The following POLDIP2 variants were observed in gnomAD, a reference collection of about 807,000 sequenced individuals.
POLDIP2 encodes DNA polymerase delta interacting protein 2, also known as polymerase delta-interacting protein 2.
In POLDIP2, 32 loss-of-function variants were observed where a neutral mutation model predicts 52.9. The ratio of observed to expected loss-of-function variants is 0.61; its 90% CI spans 0.46 to 0.81. POLDIP2 has a LOEUF of 0.81. Ranked by LOEUF, POLDIP2 falls within the 40% of genes least tolerant of loss-of-function variation. The pLI, the probability that POLDIP2 is intolerant of heterozygous loss-of-function variation, is 0.00. For synonymous variants in POLDIP2, 183 were observed against 183.0 expected (o/e 1.00, Z 0.00); for missense variants, 371 against 477.3 (o/e 0.78, Z 2.07).
intron 3 of POLDIP2, among the ~76,000 whole-genome samples, chr17:28,354,104 C>G (rs1461442914): frequency 6.6e-6 from 1 of 152,174 alleles, no homozygotes; most frequent in Non-Finnish European, 1.5e-5. Flanking sequence ...CTTCTTATAT[C>G]CCAGGGACTG....
At position 28,357,332 on chromosome 17, in the gene POLDIP2, G is replaced by C. The variant is rs1555581139; in HGVS notation, c.117C>G (p.Phe39Leu). Residue 39 changes from phenylalanine to leucine, a missense_variant, in exon 1 of 11, where the codon TTC becomes TTG. Coordinates refer to ENST00000540200, the MANE Select transcript of POLDIP2 (RefSeq NM_015584.5). ...GCGTCGTCGTGGTCGACGCTGGCGA[G>C]AAGGCTCCAGCTCCGGCCGCCGCAC... is the stretch of plus-strand genomic sequence containing the variant. Reference protein sequence around the residue: ...PLCAAAGAGAFSPASTTTTRR... With the variant: ...PLCAAAGAGALSPASTTTTRR... The C allele has an allele frequency of 1.3e-6, 2 of 1,578,666 alleles. No individual in the cohort carries two copies.
At position 28,353,718 on chromosome 17, in the gene POLDIP2, CA is replaced by C. The variant is rs1194658898; in HGVS notation, c.414del (p.Ile138MetfsTer18). Reference sequence around the variant, plus strand: ...ACTATATGTGGGCAGTCACGAGCATCAATCAGCACCTGATAGTAAGTGTGAG... The same window carrying C: ...ACTATATGTGGGCAGTCACGAGCATCATCAGCACCTGATAGTAAGTGTGAG... The part of the protein sequence containing the change: ...GKTHTYYQVL[I>X]DARDCPHISQ... On this transcript the variant is annotated frameshift_variant, in exon 4 of 11. Coordinates refer to ENST00000540200, the MANE Select transcript of POLDIP2 (RefSeq NM_015584.5). LOFTEE classifies it high-confidence loss of function. The C allele has an allele frequency of 6.2e-7, 1 of 1,612,588 alleles. No individual in the cohort carries two copies. The highest frequency in any genetic ancestry group is 8.5e-7 in the Non-Finnish European group (1 of 1,179,084).
At chr17:28,351,385 G>A (rs1010674395) in intron 7 of POLDIP2, among the ~76,000 whole-genome samples, 1 of 152,132 alleles carries the variant, frequency 6.6e-6, no homozygotes, top group East Asian at 1.9e-4. Flanking sequence ...AAATAATTAT[G>A]TGTATATTCT....
At position 28,355,871 on chromosome 17, in the gene POLDIP2, C is replaced by T. The variant is rs1555580827; in HGVS notation, c.167G>A (p.Arg56Gln). Residue 56 changes from arginine (R) to glutamine (Q), a missense_variant, in exon 2 of 11, where the codon CGA becomes CAA. Transcript: ENST00000540200. Reference sequence around the variant, plus strand: ...TGTCTCCAACACTTTGCCCTCTGGTCGGTTTCTGAGTAGGAAGGAAAAGAA... The same window carrying T: ...TGTCTCCAACACTTTGCCCTCTGGTTGGTTTCTGAGTAGGAAGGAAAAGAA... ...TTRRHLSSRN[R>Q]PEGKVLETVG... 2.5e-6 allele frequency: 4 copies of T among 1,611,446 alleles called. No individual in the cohort carries two copies. Among genetic ancestry groups the T allele is most frequent in the Non-Finnish European group, 3.4e-6 (4 of 1,178,618 alleles).
intron 9 of POLDIP2, 76 bp from the exon 10 acceptor site, chr17:28,349,238 C>T (rs1597798869): frequency 3.9e-6 from 4 of 1,035,088 alleles, no homozygotes; most frequent in Non-Finnish European, 5.8e-6. Flanking sequence ...TACATGCTGA[C>T]TGCCAGTTCA....
Position 28,353,923 on chromosome 17 carries a change from C to T in POLDIP2, c.342-132G>A, listed in dbSNP as rs79354185. 2.0e-3 allele frequency: 1,382 copies of T among 676,760 alleles called. 18 individuals carry two copies. The African/African-American group carries it at 0.022, about 11-fold the overall frequency. 41.9% of individuals were successfully genotyped at this position (676,760 alleles called of 1,614,324 possible). A position where few individuals can be genotyped will look rare whatever the true frequency, so the allele number is the denominator to read the frequency against. On this transcript the variant is annotated intron_variant, in intron 3 of 10. Transcript: ENST00000540200. Reference sequence around the variant, plus strand: ...AGGGGCTTTAGCACCAGCTGGACACCTGCTCTGCAGCACCTCAGCTCAGCT... The same window carrying T: ...AGGGGCTTTAGCACCAGCTGGACACTTGCTCTGCAGCACCTCAGCTCAGCT...
In POLDIP2 at chr17:28,355,629, T is replaced by A. The variant is rs539720947; in HGVS notation, c.243+166A>T. On this transcript the variant is annotated intron_variant, in intron 2 of 10. Coordinates refer to ENST00000540200, the MANE Select transcript of POLDIP2 (RefSeq NM_015584.5). ...TCTCACAAAAAATAAATAAATAAAA[T>A]AAATAAATAAAATAAAAAATGAATA... Among the ~76,000 whole-genome samples, 16 of 151,784 alleles carry A rather than the reference T, an allele frequency of 1.1e-4. No individual in the cohort carries two copies. The East Asian group carries it at 2.9e-3, about 28-fold the overall frequency.
chr17:28,349,290 C>T lies in POLDIP2; in HGVS notation c.913-128G>A. The T allele has an allele frequency of 7.8e-6, 5 of 637,878 alleles. No homozygotes were observed. The South Asian group carries it at 9.2e-5, about 12-fold the overall frequency. 39.5% of individuals were successfully genotyped at this position (637,878 alleles called of 1,614,324 possible). ...CCTACCCAGCCACCACCACAGCAGGCACTCCCATAGCATGATACACTTCCT... is the reference window on the plus strand; with the variant it reads ...CCTACCCAGCCACCACCACAGCAGGTACTCCCATAGCATGATACACTTCCT... On this transcript the variant is annotated intron_variant, in intron 9 of 10. Transcript: ENST00000540200.
chr17:28,351,754 C>T lies in POLDIP2; in HGVS notation c.669G>A (p.Lys223=). 6.2e-7 allele frequency: 1 copy of T among 1,613,770 alleles called. No homozygotes were observed. The highest frequency in any genetic ancestry group is 8.5e-7 in the Non-Finnish European group (1 of 1,179,678). Residue 223 remains lysine, a synonymous_variant, in exon 7 of 11, where the codon AAG becomes AAA. Coordinates refer to ENST00000540200, the MANE Select transcript of POLDIP2 (RefSeq NM_015584.5). ...CGGAGAGCTCCAGCCAGGGGTGATT[C>T]TTCTCTTGCCAGGCCCTTAGCGTCT... The part of the protein sequence containing the change: ...ARETLRAWQE[K]NHPWLELSDV...
rs979890186 is a variant in POLDIP2, at chr17:28,348,218, A to G, written c.1006T>C (p.Phe336Leu). ...AAGTGGGAGCCATCAGGTCTTTCAA[A>G]GCGGAACGTGCCCCTACAGTCAGAA... ...SSGHMWGTFRFERPDGSHFDV... is the reference protein window; with the variant it reads ...SSGHMWGTFRLERPDGSHFDV... Residue 336 changes from phenylalanine (F) to leucine (L), a missense_variant, in exon 11 of 11, where the codon TTT becomes CTT. By Grantham distance (22) the Phe-to-Leu change is conservative. Coordinates refer to ENST00000540200, the MANE Select transcript of POLDIP2 (RefSeq NM_015584.5). 1.1e-5 allele frequency: 17 copies of G among 1,612,518 alleles called. No homozygotes were observed. Among genetic ancestry groups the G allele is most frequent in the Admixed American group, 1.7e-5 (1 of 60,008 alleles).
At chr17:28,348,968 T>G (rs1428859257) in intron 10 of POLDIP2, 115 bp downstream of exon 10, 3 of 661,218 alleles carry the variant, frequency 4.5e-6, no homozygotes, top group Admixed American at 2.7e-5. Flanking sequence ...TAAGGCTCCC[T>G]CTAAGAATGT....
At chr17:28,350,586 A>T (rs782076995) in intron 8 of POLDIP2, 23 bp from the exon 9 acceptor site, 2 of 1,599,460 alleles carry the variant, frequency 1.3e-6, no homozygotes, top group South Asian at 1.1e-5. Context: ...TGGGAGAGAG[A>T]GTTTAAAAAA....
chr17:28,357,328 G>A lies in POLDIP2; in HGVS notation c.121C>T (p.Pro41Ser), dbSNP rs1908093031. Residue 41 changes from proline to serine, a missense_variant, in exon 1 of 11, where the codon CCA (proline) becomes TCA (serine). Coordinates refer to ENST00000540200, the MANE Select transcript of POLDIP2 (RefSeq NM_015584.5). ...CAAAGAGAFS[P>S]ASTTTTRRHL... ...CTCCGCGTCGTCGTGGTCGACGCTG[G>A]CGAGAAGGCTCCAGCTCCGGCCGCC... 1 of 1,579,528 alleles carries A rather than the reference G, an allele frequency of 6.3e-7. No individual in the cohort carries two copies. The highest frequency in any genetic ancestry group is 8.5e-7 in the Non-Finnish European group (1 of 1,172,836).
chr17:28,356,852 A>G (rs1555581016), intron 1 of POLDIP2, among the ~76,000 whole-genome samples: 1 of 152,130 alleles, frequency 6.6e-6, no homozygotes, highest in African/African-American at 2.4e-5. Context: ...GATCTCCCCA[A>G]AGTCACTTGG....
chr17:28,350,381 C>A, intron 9 of POLDIP2, 57 bp downstream of exon 9: 1 of 1,494,176 alleles, frequency 6.7e-7, no homozygotes. Flanking sequence ...GGAAGCCATG[C>A]GCTAAGCCCC....
chr17:28,353,997 G>A (rs1410817229), intron 3 of POLDIP2, among the ~76,000 whole-genome samples: 1 of 152,186 alleles, frequency 6.6e-6, no homozygotes, highest in East Asian at 1.9e-4. Flanking sequence ...ATGGTATGGA[G>A]CCATCATCTG....
At chr17:28,356,579 T>C (rs1555580967) in intron 1 of POLDIP2, among the ~76,000 whole-genome samples, 1 of 152,210 alleles carries the variant, frequency 6.6e-6, no homozygotes, top group Non-Finnish European at 1.5e-5. Context: ...ACAGGGGTCT[T>C]AAATTGCAAA....
At chr17:28,348,779 A>G (rs143975157) in intron 10 of POLDIP2, among the ~76,000 whole-genome samples, 4 of 152,338 alleles carry the variant, frequency 2.6e-5, no homozygotes, top group African/African-American at 9.6e-5. Flanking sequence ...TAAGCTAGCC[A>G]ACTGCATTTT....
chr17:28,353,839 G>A (rs1907917262), intron 3 of POLDIP2, 48 bp from the exon 4 acceptor site: 1 of 1,289,736 alleles, frequency 7.8e-7, no homozygotes. Flanking sequence ...AGAAATGGAA[G>A]CTGTGGCTGA....
Sources: allele counts gnomAD v4.1 joint callset (sites outside exome capture counted in the v4.1 genomes callset), GRCh38; gene constraint gnomAD v4.1.1; transcripts MANE v1.5; gene names NCBI Gene and HGNC (gene_info 2026-07-23, HGNC 2026-07-21).